Variants in AKAP9 observed in about 807,000 individuals in gnomAD.
AKAP9 encodes A-kinase anchoring protein 9.
In AKAP9, 311 loss-of-function variants were observed where a neutral mutation model predicts 488.5. The ratio of observed to expected loss-of-function variants is 0.64; its 90% confidence interval spans 0.58 to 0.70. The LOEUF is 0.70. Among genes scored for constraint, AKAP9 ranks in the 30% least tolerant of loss-of-function variants. AKAP9 has a pLI of 0.00. For missense variants in AKAP9, 4,215 were observed against 4,374.5 expected (o/e 0.96, Z 1.03); for synonymous variants, 1,462 against 1,483.5 (o/e 0.99, Z 0.33).
intron 1 of AKAP9, among the ~76,000 whole-genome samples, chr7:91,956,154 A>G (rs1792962750): frequency 6.6e-6 from 1 of 151,872 alleles, no homozygotes; most frequent in Non-Finnish European, 1.5e-5. Context: ...TGGTCCCGGC[A>G]CTTTGGGAGG....
chr7:91,951,769 T>G (rs1443037932), intron 1 of AKAP9, among the ~76,000 whole-genome samples: 2 of 152,202 alleles, frequency 1.3e-5, no homozygotes, highest in Non-Finnish European at 2.9e-5. Flanking sequence ...TATATACTCA[T>G]AACCACATCC....
At chr7:91,958,997 A>C (rs938862689) in intron 1 of AKAP9, among the ~76,000 whole-genome samples, 3 of 151,522 alleles carry the variant, frequency 2.0e-5, no homozygotes, top group Non-Finnish European at 2.9e-5. Context: ...TGACCCTCCC[A>C]CCTCAGCCTG....
chr7:92,097,846 G>T, intron 42 of AKAP9, 52 bp downstream of exon 42: 1 of 1,564,498 alleles, frequency 6.4e-7, no homozygotes, highest in East Asian at 2.2e-5. Context: ...AGGCTGGGTA[G>T]ACCCCATGCC....
intron 40 of AKAP9, among the ~76,000 whole-genome samples, chr7:92,096,262 C>T (rs1382954867): frequency 6.6e-6 from 1 of 150,484 alleles, no homozygotes; most frequent in Non-Finnish European, 1.5e-5. Flanking sequence ...ATAATCAGTT[C>T]TATTTTCTAA....
At chr7:92,028,711 C>T (rs948289164) in intron 14 of AKAP9, among the ~76,000 whole-genome samples, 1 of 152,182 alleles carries the variant, frequency 6.6e-6, no homozygotes, top group Non-Finnish European at 1.5e-5. Context: ...TAAGAAAATA[C>T]TTAAATGATA....
At chr7:92,105,183 C>T (rs1245064315) in intron 46 of AKAP9, among the ~76,000 whole-genome samples, 1 of 152,186 alleles carries the variant, frequency 6.6e-6, no homozygotes, top group East Asian at 1.9e-4. Flanking sequence ...GAAGCTAACA[C>T]TCCCATTCCT....
chr7:92,095,572 T>C (rs574566508), intron 40 of AKAP9, among the ~76,000 whole-genome samples: 32 of 152,292 alleles, frequency 2.1e-4, no homozygotes, highest in African/African-American at 6.0e-4. Flanking sequence ...AAAGTGAACA[T>C]TGGCCCCTTT....
intron 40 of AKAP9, among the ~76,000 whole-genome samples, chr7:92,095,673 G>A (rs146586660): frequency 2.6e-5 from 4 of 152,304 alleles, no homozygotes; most frequent in Non-Finnish European, 2.9e-5. Flanking sequence ...TATACATGAA[G>A]TATCTGCTTT....
At chr7:91,985,186 T>A (rs1256116753) in intron 3 of AKAP9, among the ~76,000 whole-genome samples, 1 of 152,200 alleles carries the variant, frequency 6.6e-6, no homozygotes, top group African/African-American at 2.4e-5. Context: ...ATCCTTGTCT[T>A]GTGTCAGTTT....
chr7:92,047,476 C>A (rs1036553791), intron 21 of AKAP9, among the ~76,000 whole-genome samples: 1 of 152,178 alleles, frequency 6.6e-6, no homozygotes, highest in African/African-American at 2.4e-5. Flanking sequence ...ACCTCGGCCT[C>A]CCAAAGTGCT....
intron 7 of AKAP9, among the ~76,000 whole-genome samples, chr7:91,999,858 A>ATTCG (rs537954809): frequency 7.4e-6 from 1 of 135,774 alleles, no homozygotes; most frequent in East Asian, 2.0e-4. Context: ...AGTTATGTTC[A>ATTCG]TTCATTCATT....
intron 1 of AKAP9, among the ~76,000 whole-genome samples, chr7:91,943,209 C>CA (rs1791018321): frequency 6.7e-6 from 1 of 150,052 alleles, no homozygotes; most frequent in Admixed American, 6.6e-5. Flanking sequence ...AGAAAACAAA[C>CA]AAACAAAAAA....
chr7:92,001,471 A>G lies in AKAP9; in HGVS notation c.1554A>G (p.Leu518=), dbSNP rs1171753721. The G allele has an allele frequency of 1.2e-6, 2 of 1,613,820 alleles. No individual in the cohort carries two copies. The highest frequency in any genetic ancestry group is 1.7e-6 in the Non-Finnish European group (2 of 1,179,888). The change falls in exon 8 of 50, where the codon CTA becomes CTG. Residue 518 remains leucine (L), a synonymous_variant. Coordinates refer to ENST00000356239, the MANE Select transcript of AKAP9 (RefSeq NM_005751.5). Reference sequence around the variant, plus strand: ...AAAAACTCAAGGAAGAACTAGGACTAATTTTAGAAGAAAAGTGTGCTCTAC... The same window carrying G: ...AAAAACTCAAGGAAGAACTAGGACTGATTTTAGAAGAAAAGTGTGCTCTAC... The part of the protein sequence containing the change: ...QKEKLKEELG[L]ILEEKCALQR...
At chr7:91,954,483 G>A (rs993036744) in intron 1 of AKAP9, among the ~76,000 whole-genome samples, 5 of 152,314 alleles carry the variant, frequency 3.3e-5, no homozygotes, top group Middle Eastern at 3.4e-3. Context: ...ACTATGTTGC[G>A]TAGGTTGGTC....
At chr7:92,095,385 A>T (rs772130269) in intron 40 of AKAP9, among the ~76,000 whole-genome samples, 7 of 152,192 alleles carry the variant, frequency 4.6e-5, no homozygotes, top group Non-Finnish European at 8.8e-5. Flanking sequence ...GTTTTGCTAC[A>T]TCCAAAGATG....
Position 92,097,301 on chromosome 7 carries a change from C to A in AKAP9, c.10342C>A (p.Leu3448Ile). The A allele has an allele frequency of 6.2e-7, 1 of 1,613,808 alleles. No individual in the cohort carries two copies. The highest frequency in any genetic ancestry group is 1.3e-5 in the African/African-American group (1 of 75,054). ...GIMQEFQKQE[L>I]EREEKRESRR... Reference sequence around the variant, plus strand: ...CATGCAGGAATTCCAGAAGCAAGAACTAGAACGAGAAGAAAAACGAGAAAG... The same window carrying A: ...CATGCAGGAATTCCAGAAGCAAGAAATAGAACGAGAAGAAAAACGAGAAAG... The change falls in exon 41 of 50, where the codon CTA becomes ATA. Residue 3448 changes from leucine to isoleucine, a missense_variant. Leu to Ile is a conservative substitution (Grantham distance 5). Transcript: ENST00000356239.
At position 92,079,975 on chromosome 7, in the gene AKAP9, G is replaced by C. The variant is rs549463601; in HGVS notation, c.7842G>C (p.Gln2614His). ...TGAGAATATCAGAATTAGAAAGCCAGGTTGTTGAAATGCATACTAGTTTGA... is the reference window on the plus strand; with the variant it reads ...TGAGAATATCAGAATTAGAAAGCCACGTTGTTGAAATGCATACTAGTTTGA... ...LTLRISELES[Q>H]VVEMHTSLIL... The change falls in exon 31 of 50, where the codon CAG becomes CAC. Residue 2614 changes from glutamine (Q) to histidine (H), a missense_variant. Gln to His is a conservative substitution (Grantham distance 24). Around this residue, in one of 5 missense-constraint regions of AKAP9, gnomAD observed 1,476 missense variants for 1,477.4 expected, o/e 1.00. Coordinates refer to ENST00000356239, the MANE Select transcript of AKAP9 (RefSeq NM_005751.5). The C allele has an allele frequency of 1.3e-6, 2 of 1,582,882 alleles. No homozygotes were observed. Among genetic ancestry groups the C allele is most frequent in the Middle Eastern group, 1.7e-4 (1 of 5,888 alleles).
At position 92,102,828 on chromosome 7, in the gene AKAP9, TAA is replaced by T. The variant is rs772620525; in HGVS notation, c.11330+4_11330+5del. 1 of 1,612,874 alleles carries T rather than the reference TAA, an allele frequency of 6.2e-7. No homozygotes were observed. Among genetic ancestry groups the T allele is most frequent in the South Asian group, 1.1e-5 (1 of 91,060 alleles). ...CAGAGTATCCATTGCAATTTCCAGG[TAA>T]AGACTTGAAGGAAAATGCATTTTAC... On this transcript the variant is annotated splice_donor_region_variant and intron_variant, in intron 46 of 49. Coordinates refer to ENST00000356239, the MANE Select transcript of AKAP9 (RefSeq NM_005751.5).
At chr7:91,944,315 T>A (rs2130436913) in intron 1 of AKAP9, among the ~76,000 whole-genome samples, 1 of 152,328 alleles carries the variant, frequency 6.6e-6, no homozygotes, top group Non-Finnish European at 1.5e-5. Flanking sequence ...TAGGCAATTT[T>A]AATTTTCTTT....
Sources: allele counts gnomAD v4.1 joint callset (sites outside exome capture counted in the v4.1 genomes callset), GRCh38; gene constraint gnomAD v4.1.1; regional missense constraint gnomAD v4.1.1; transcripts MANE v1.5; gene names NCBI Gene and HGNC (gene_info 2026-07-23, HGNC 2026-07-21).